GALNT13: variants seen among roughly 807,000 people sequenced by gnomAD.
GALNT13 encodes the protein polypeptide N-acetylgalactosaminyltransferase 13.
A neutral mutation model predicts 64.2 loss-of-function variants in GALNT13; 28 were observed. That is an observed-to-expected ratio of 0.44 (90% CI 0.32 to 0.60). The LOEUF (loss-of-function observed/expected upper bound fraction) is 0.60. GALNT13 is among the 20% of genes least tolerant of loss of function. The pLI, the probability that GALNT13 is intolerant of heterozygous loss-of-function variation, is 0.05. For missense variants in GALNT13, 577 were observed against 669.8 expected, an observed-to-expected ratio of 0.86 and a Z score of 1.53; for synonymous variants, 214 against 224.6, an observed-to-expected ratio of 0.95 and a Z score of 0.42.
At chr2:153,483,708 G>A in the GALNT13 span, among the ~76,000 whole-genome samples, 1 of 152,110 alleles carries the variant, frequency 6.6e-6, no homozygotes, top group South Asian at 2.1e-4. Context: ...GAGCCACCAC[G>A]CCCGGCCCTG....
chr2:153,249,977 C>G, the GALNT13 span, among the ~76,000 whole-genome samples: 1 of 151,280 alleles, frequency 6.6e-6, no homozygotes, highest in African/African-American at 2.4e-5. Context: ...ATCTCATAGT[C>G]ATAAGATTTC....
the GALNT13 span, among the ~76,000 whole-genome samples, chr2:153,581,005 T>G: frequency 3.0e-4 from 46 of 152,320 alleles, no homozygotes; most frequent in African/African-American, 1.1e-3. Context: ...ATCCAGATTC[T>G]TCTTGCTTAG....
the GALNT13 span, among the ~76,000 whole-genome samples, chr2:153,224,947 G>A: frequency 7.2e-5 from 11 of 152,172 alleles, no homozygotes; most frequent in Non-Finnish European, 1.5e-4. Context: ...GTAAGTGAAG[G>A]CAGAGGAAAT....
intron 3 of GALNT13, among the ~76,000 whole-genome samples, chr2:153,969,359 TA>T (rs1166576900): frequency 2.2e-4 from 33 of 152,100 alleles, no homozygotes; most frequent in African/African-American, 7.0e-4. Context: ...AAAAATTACC[TA>T]AAAAAATATG....
intron 9 of GALNT13, among the ~76,000 whole-genome samples, chr2:154,363,790 AAT>A (rs1453367431): frequency 6.6e-6 from 1 of 152,166 alleles, no homozygotes; most frequent in African/African-American, 2.4e-5. Context: ...TTTTAAAGTC[AAT>A]GTCTATATTC....
intron 8 of GALNT13, among the ~76,000 whole-genome samples, chr2:154,287,684 T>G (rs1314082505): frequency 6.6e-6 from 1 of 152,092 alleles, no homozygotes; most frequent in Non-Finnish European, 1.5e-5. Context: ...AGTTTGCTCA[T>G]GTGTTGCACT....
At chr2:154,207,855 A>G (rs781146656) in intron 4 of GALNT13, among the ~76,000 whole-genome samples, 1 of 152,138 alleles carries the variant, frequency 6.6e-6, no homozygotes, top group Non-Finnish European at 1.5e-5. Context: ...TCATATATTC[A>G]TTGCAAGTTC....
intron 4 of GALNT13, among the ~76,000 whole-genome samples, chr2:154,234,336 A>G (rs1442247465): frequency 6.6e-6 from 1 of 152,142 alleles, no homozygotes; most frequent in Non-Finnish European, 1.5e-5. Context: ...TTCCATTATA[A>G]TTTCATATGT....
the GALNT13 span, among the ~76,000 whole-genome samples, chr2:153,404,282 G>A: frequency 1.1e-4 from 16 of 152,168 alleles, no homozygotes; most frequent in Non-Finnish European, 1.8e-4. Context: ...TGAAAGTGAG[G>A]AGAATTAGCC....
the GALNT13 span, among the ~76,000 whole-genome samples, chr2:153,225,632 G>T: frequency 6.6e-6 from 1 of 152,044 alleles, no homozygotes; most frequent in Non-Finnish European, 1.5e-5. Flanking sequence ...AATACAGCAA[G>T]GTCACAGGAT....
the GALNT13 span, among the ~76,000 whole-genome samples, chr2:153,648,779 C>T: frequency 6.6e-5 from 10 of 151,920 alleles, no homozygotes; most frequent in Admixed American, 5.9e-4. Flanking sequence ...TATTGATTTG[C>T]GTATGTTGAA....
chr2:153,630,807 A>ATAT, the GALNT13 span, among the ~76,000 whole-genome samples: 8 of 21,992 alleles, frequency 3.6e-4, no homozygotes, highest in African/African-American at 3.8e-4. Context: ...ATATATATAT[A>ATAT]TTTTTTTTTT....
At chr2:154,295,348 T>TTTATTTA (rs1553510428) in intron 8 of GALNT13, among the ~76,000 whole-genome samples, 2 of 142,222 alleles carry the variant, frequency 1.4e-5, no homozygotes. Flanking sequence ...ATTCTTTTTA[T>TTTATTTA]TTTATTTATT....
the GALNT13 span, among the ~76,000 whole-genome samples, chr2:153,760,648 C>G: frequency 6.6e-6 from 1 of 152,056 alleles, no homozygotes; most frequent in Admixed American, 6.6e-5. Flanking sequence ...TGTTTTGTAG[C>G]CTAAGATGTA....
At chr2:153,283,436 C>G in the GALNT13 span, among the ~76,000 whole-genome samples, 1 of 152,094 alleles carries the variant, frequency 6.6e-6, no homozygotes, top group South Asian at 2.1e-4. Flanking sequence ...GCTTAAGATG[C>G]TAATCTAGGT....
At chr2:154,027,228 T>A (rs984257170) in intron 3 of GALNT13, among the ~76,000 whole-genome samples, 1 of 152,188 alleles carries the variant, frequency 6.6e-6, no homozygotes, top group Admixed American at 6.5e-5. Flanking sequence ...ACCTCTTCCT[T>A]GTTCCTAGTT....
the GALNT13 span, among the ~76,000 whole-genome samples, chr2:153,837,431 G>C: frequency 4.6e-5 from 7 of 151,970 alleles, no homozygotes; most frequent in Non-Finnish European, 7.4e-5. Flanking sequence ...TACTCACCTG[G>C]CAACCATTGT....
At chr2:154,019,301 G>C (rs1697251921) in intron 3 of GALNT13, among the ~76,000 whole-genome samples, 1 of 152,088 alleles carries the variant, frequency 6.6e-6, no homozygotes, top group South Asian at 2.1e-4. Flanking sequence ...TTAATATCTT[G>C]TTTTGCTATA....
the GALNT13 span, among the ~76,000 whole-genome samples, chr2:153,661,336 C>G: frequency 6.6e-6 from 1 of 152,092 alleles, no homozygotes; most frequent in African/African-American, 2.4e-5. Context: ...CTCAGCTGCT[C>G]AAAATCACTG....
Sources: gnomAD v4.1 joint callset for allele counts (sites outside exome capture counted in the v4.1 genomes callset) on GRCh38, gnomAD v4.1.1 for gene constraint, MANE v1.5 for transcripts, NCBI Gene and HGNC (gene_info 2026-07-23, HGNC 2026-07-21) for gene names.